Variants in AGR3 observed in about 807,000 individuals in gnomAD.
The protein encoded by AGR3 is anterior gradient protein 3.
In AGR3, 37 loss-of-function variants were observed where a neutral mutation model predicts 24.5. That is an observed-to-expected ratio of 1.51 (90% confidence interval 1.16 to 1.99). The LOEUF (loss-of-function observed/expected upper bound fraction) is 1.99. AGR3 is among the 30% of genes most tolerant of loss of function. The probability of loss-of-function intolerance (pLI) is 0.00; values close to 1 mark genes in which losing one functional copy is unlikely to be tolerated. For missense variants in AGR3, 228 were observed against 191.1 expected (o/e 1.19, Z -1.14); for synonymous variants, 75 against 61.6 (o/e 1.22, Z -1.02).
At chr7:16,881,638 T>C (rs565615625) in intron 1 of AGR3, among the ~76,000 whole-genome samples, 1 of 152,332 alleles carries the variant, frequency 6.6e-6, no homozygotes, top group African/African-American at 2.4e-5. Flanking sequence ...TATTATAAGT[T>C]CCTATATTTT....
At chr7:16,864,891 A>G (rs2115302805) in intron 3 of AGR3, 2 of 892,990 alleles carry the variant, frequency 2.2e-6, no homozygotes, top group Middle Eastern at 2.9e-4. Flanking sequence ...CAAAACTTAG[A>G]AATTCACTGG....
intron 3 of AGR3, chr7:16,864,309 C>T (rs1315018545): frequency 4.4e-6 from 6 of 1,358,974 alleles, no homozygotes; most frequent in Non-Finnish European, 4.2e-6. Flanking sequence ...TATTTTCTTC[C>T]ACGTCTCCTT....
Position 16,862,649 on chromosome 7 carries a change from T to G in AGR3, c.187A>C (p.Met63Leu), listed in dbSNP as rs1479179402. Residue 63 changes from methionine to leucine, a missense_variant, in exon 4 of 8, where the codon ATG becomes CTG. By Grantham distance (15) the Met-to-Leu change is conservative. Coordinates refer to ENST00000310398, the MANE Select transcript of AGR3 (RefSeq NM_176813.5). ...FYAQKSKKPLMVIHHLEDCQY... is the reference protein window; with the variant it reads ...FYAQKSKKPLLVIHHLEDCQY... ...CAATCCTCCAGGTGATGAATAACCATTAATGGCTTCTTACTAAACAAAGAA... is the reference window on the plus strand; with the variant it reads ...CAATCCTCCAGGTGATGAATAACCAGTAATGGCTTCTTACTAAACAAAGAA... 1 of 1,552,796 alleles carries G rather than the reference T, an allele frequency of 6.4e-7. No homozygotes were observed. The highest frequency in any genetic ancestry group is 1.4e-5 in the African/African-American group (1 of 70,660).
intron 3 of AGR3, among the ~76,000 whole-genome samples, chr7:16,870,447 T>C (rs1027250468): frequency 2.0e-5 from 3 of 152,106 alleles, no homozygotes; most frequent in African/African-American, 7.2e-5. Flanking sequence ...GTTGTAGATA[T>C]ACTTGTCTTA....
chr7:16,878,419 G>A (rs1418555670), intron 2 of AGR3, 91 bp downstream of exon 2: 2 of 1,088,156 alleles, frequency 1.8e-6, no homozygotes, highest in South Asian at 3.1e-5. Flanking sequence ...AGTTGAATTT[G>A]CTTTATAATT....
chr7:16,860,143 C>T (rs932786493), intron 7 of AGR3, among the ~76,000 whole-genome samples: 1 of 151,902 alleles, frequency 6.6e-6, no homozygotes, highest in Non-Finnish European at 1.5e-5. Context: ...TACCTCCTTG[C>T]TTATAGGCAT....
chr7:16,872,231 A>G (rs112131207), intron 3 of AGR3, among the ~76,000 whole-genome samples: 6 of 152,318 alleles, frequency 3.9e-5, no homozygotes, highest in African/African-American at 1.2e-4. Context: ...AGTAAACAAA[A>G]CAGCATGGTA....
intron 7 of AGR3, 33 bp from the exon 8 acceptor site, chr7:16,859,664 A>C (rs751643368): frequency 1.5e-6 from 2 of 1,348,422 alleles, no homozygotes; most frequent in Non-Finnish European, 2.0e-6. Context: ...TTATGCTATT[A>C]ATAAATGAAA....
chr7:16,860,716 G>A (rs560543710), intron 6 of AGR3, 133 bp from the exon 7 acceptor site: 45 of 624,356 alleles, frequency 7.2e-5, no homozygotes, highest in Non-Finnish European at 1.2e-4. Context: ...ATTGTGTGAT[G>A]CTGAAGTTTG....
chr7:16,860,355 G>T (rs1400073420), intron 7 of AGR3, 145 bp downstream of exon 7: 3 of 594,264 alleles, frequency 5.0e-6, no homozygotes, highest in Non-Finnish European at 9.0e-6. Flanking sequence ...TCTGATTTTG[G>T]TGGGAGCTAG....
intron 6 of AGR3, among the ~76,000 whole-genome samples, chr7:16,861,035 T>C (rs1187496672): frequency 6.6e-6 from 1 of 151,660 alleles, no homozygotes; most frequent in African/African-American, 2.4e-5. Context: ...AAAACAAATG[T>C]CAAACCAATT....
intron 3 of AGR3, among the ~76,000 whole-genome samples, chr7:16,863,135 T>TTAGG (rs1236441639): frequency 1.3e-5 from 2 of 152,054 alleles, no homozygotes; most frequent in African/African-American, 4.8e-5. Context: ...ATCTCTGGGG[T>TTAGG]TAGGGGTGGT....
chr7:16,862,008 A>C lies in AGR3; in HGVS notation c.279T>G (p.Asn93Lys), dbSNP rs1781659210. The C allele has an allele frequency of 6.2e-7, 1 of 1,613,278 alleles. No individual in the cohort carries two copies. The highest frequency in any genetic ancestry group is 8.5e-7 in the Non-Finnish European group (1 of 1,179,502). Residue 93 changes from asparagine to lysine, a missense_variant, in exon 5 of 8, where the codon AAT (asparagine) becomes AAG (lysine). Coordinates refer to ENST00000310398, the MANE Select transcript of AGR3 (RefSeq NM_176813.5). ...QNEEIQEMAQ[N>K]KFIMLNLMHE... ...CCATAAGGTTTAGCATGATGAACTT[A>C]TTCTGAGCCATTTCTTGTATTTCTT...
rs955846962 is a variant in AGR3 at position 16,877,554 on chromosome 7, T to C, written c.109+956A>G. On this transcript the variant is annotated intron_variant, in intron 2 of 7. Transcript: ENST00000310398. ...TTCCTACTTCTGTTACTTAGAGATATAGAAACTAACTTTGAGAATATTTTC... is the reference window on the plus strand; with the variant it reads ...TTCCTACTTCTGTTACTTAGAGATACAGAAACTAACTTTGAGAATATTTTC... Among the ~76,000 whole-genome samples, 6 of 151,978 alleles carry C rather than the reference T, an allele frequency of 3.9e-5. No individual in the cohort carries two copies. In the East Asian group the frequency reaches 1.2e-3, roughly 29 times the overall value.
chr7:16,878,713 T>TA, intron 1 of AGR3, 68 bp from the exon 2 acceptor site: 1 of 1,241,690 alleles, frequency 8.1e-7, no homozygotes, highest in East Asian at 2.3e-5. Flanking sequence ...AGATATTTGC[T>TA]AAGAGTTGGA....
intron 3 of AGR3, chr7:16,865,653 C>G: frequency 1.3e-6 from 1 of 792,710 alleles, no homozygotes; most frequent in South Asian, 1.4e-5. Context: ...ATCTTCTTAT[C>G]AGTTCTCAGA....
intron 3 of AGR3, among the ~76,000 whole-genome samples, chr7:16,868,802 G>A (rs927120062): frequency 5.9e-5 from 9 of 152,188 alleles, no homozygotes; most frequent in African/African-American, 2.2e-4. Context: ...CATCAAAGGA[G>A]ATAGGCTCTT....
At position 16,859,462 on chromosome 7, in the gene AGR3, A is replaced by G; in HGVS notation, c.*120T>C. 1 of 677,336 alleles carries G rather than the reference A, an allele frequency of 1.5e-6. No individual in the cohort carries two copies. Among genetic ancestry groups the G allele is most frequent in the Non-Finnish European group, 2.5e-6 (1 of 404,214 alleles). 42.0% of individuals were successfully genotyped at this position (677,336 alleles called of 1,614,324 possible). ...ATAAGACTATTGCAAACACATTAAA[A>G]AAACTAAATAGTAATATTACAAAAT... On this transcript the variant is annotated 3_prime_UTR_variant, in exon 8 of 8. Transcript: ENST00000310398.
At chr7:16,869,138 G>A (rs571330539) in intron 3 of AGR3, among the ~76,000 whole-genome samples, 7 of 152,252 alleles carry the variant, frequency 4.6e-5, no homozygotes, top group African/African-American at 1.2e-4. Flanking sequence ...AAAGTGGGGT[G>A]TTGAAGTCCC....
Sources: gnomAD v4.1 joint callset for allele counts (sites outside exome capture counted in the v4.1 genomes callset) on GRCh38, gnomAD v4.1.1 for gene constraint, MANE v1.5 for transcripts, NCBI Gene and HGNC (gene_info 2026-07-23, HGNC 2026-07-21) for gene names.